The following RNASET2 variants were observed in gnomAD, a reference collection of about 807,000 sequenced individuals.
RNASET2 encodes the protein ribonuclease 6.
Under a neutral mutation model 33.9 loss-of-function variants are expected in RNASET2, and 28 were observed. That is an observed-to-expected ratio of 0.83 (90% CI 0.61 to 1.13). The LOEUF (loss-of-function observed/expected upper bound fraction) is 1.13, where lower values mean the gene tolerates loss of function less well. RNASET2 is among the 50% of genes most tolerant of loss of function. The pLI is 0.00. For synonymous variants in RNASET2, 123 were observed against 121.0 expected (o/e 1.02, Z -0.11); for missense variants, 330 against 319.9 (o/e 1.03, Z -0.24).
chr6:166,947,560 A>G (rs1198798372), intron 3 of RNASET2, among the ~76,000 whole-genome samples: 7 of 152,192 alleles, frequency 4.6e-5, no homozygotes, highest in Admixed American at 4.6e-4. Flanking sequence ...GTACATTCAG[A>G]GCACTTGGTC....
chr6:166,930,842 T>C (rs1778416217), intron 8 of RNASET2, among the ~76,000 whole-genome samples: 1 of 143,458 alleles, frequency 7.0e-6, no homozygotes, highest in South Asian at 2.2e-4. Flanking sequence ...CCCACATGCA[T>C]GTACACACAC....
chr6:166,945,830 CAAAAA>C (rs770959298), intron 4 of RNASET2, among the ~76,000 whole-genome samples: 2 of 72,470 alleles, frequency 2.8e-5, no homozygotes, highest in Admixed American at 1.4e-4. Context: ...AACTCTGTCT[CAAAAA>C]AAAAAAAAAA....
intron 4 of RNASET2, 56 bp from the exon 5 acceptor site, chr6:166,943,145 C>T: frequency 7.6e-7 from 1 of 1,308,302 alleles, no homozygotes; most frequent in South Asian, 1.2e-5. Context: ...AAACTCAAAA[C>T]CTAGAAGGTA....
At chr6:166,952,727 G>A (rs1011600844) in intron 1 of RNASET2, 179 bp from the exon 2 acceptor site, 9 of 621,230 alleles carry the variant, frequency 1.4e-5, no homozygotes, top group Admixed American at 1.4e-4. Context: ...CCTACACTAA[G>A]AAGGCACGTG....
chr6:166,955,769 G>A (rs1779149688), intron 1 of RNASET2: 2 of 1,245,348 alleles, frequency 1.6e-6, no homozygotes, highest in Admixed American at 3.7e-5. Flanking sequence ...CCCAGAGCGT[G>A]CCCAGGGCTC....
At chr6:166,930,637 A>C (rs62648684) in intron 8 of RNASET2, among the ~76,000 whole-genome samples, 18,553 of 150,164 alleles carry the variant, frequency 0.12, 1,525 homozygotes, top group African/African-American at 0.23. Flanking sequence ...ATGCCCACAT[A>C]ATGTACACAC....
intron 7 of RNASET2, chr6:166,931,962 T>C (rs1778455562): frequency 6.5e-6 from 1 of 153,128 alleles, no homozygotes; most frequent in South Asian, 2.1e-4. Context: ...GAGTTTTCAC[T>C]GCCTTCCATT....
chr6:166,923,642 A>G lies in RNASET2; in HGVS notation c.*5946T>C, dbSNP rs1245202284. 6.6e-6 allele frequency among the ~76,000 whole-genome samples: 1 copy of G among 152,226 alleles called. No individual in the cohort carries two copies. The highest frequency in any genetic ancestry group is 1.5e-5 in the Non-Finnish European group (1 of 68,032). On this transcript the variant is annotated 3_prime_UTR_variant, in exon 9 of 9. Coordinates refer to ENST00000508775, the MANE Select transcript of RNASET2 (RefSeq NM_003730.6). ...AAAAAAAATAGAATTCTTATCAGAA[A>G]AAAAATGACATAAAACTGCATTTCT... is the stretch of plus-strand genomic sequence containing the variant.
In RNASET2 at chr6:166,931,298, A is replaced by C. The variant is rs1778433647; in HGVS notation, c.493-180T>G. On this transcript the variant is annotated intron_variant, in intron 7 of 8. Coordinates refer to ENST00000508775, the MANE Select transcript of RNASET2 (RefSeq NM_003730.6). ...CACCAGCGAAGCAGAGGATGCTGTC[A>C]ACCTGGGCTTCATCCCCAGACCACA... is the stretch of plus-strand genomic sequence containing the variant. The C allele has an allele frequency of 3.5e-5, 22 of 630,836 alleles. No homozygotes were observed. In the South Asian group the frequency reaches 4.0e-4, roughly 11 times the overall value. The allele number at this position is 630,836 out of a possible 1,614,324, so 39.1% of individuals were successfully genotyped here. A position where few individuals can be genotyped will look rare whatever the true frequency, so the allele number is the denominator to read the frequency against.
chr6:166,940,164 T>A (rs1778662182), intron 5 of RNASET2, among the ~76,000 whole-genome samples: 1 of 152,238 alleles, frequency 6.6e-6, no homozygotes, highest in African/African-American at 2.4e-5. Context: ...ATGTTTATCA[T>A]CTTTAGCATG....
chr6:166,948,308 T>C (rs1477688297), intron 3 of RNASET2: 1 of 516,068 alleles, frequency 1.9e-6, no homozygotes, highest in Non-Finnish European at 3.5e-6. Context: ...ATCGTGCCAC[T>C]GCACTTCAGC....
intron 5 of RNASET2, among the ~76,000 whole-genome samples, chr6:166,942,567 G>A (rs1193279338): frequency 6.6e-6 from 1 of 152,002 alleles, no homozygotes; most frequent in Non-Finnish European, 1.5e-5. Flanking sequence ...TTGCAACCTT[G>A]ATCTCCCGGG....
At chr6:166,942,428 A>G (rs112226504) in intron 5 of RNASET2, among the ~76,000 whole-genome samples, 3,541 of 152,294 alleles carry the variant, frequency 0.023, 61 homozygotes, top group Non-Finnish European at 0.033. Flanking sequence ...ATATGGACTA[A>G]TTCTTAGATA....
intron 1 of RNASET2, among the ~76,000 whole-genome samples, chr6:166,955,249 GCACACACGCACACACACACA>G (rs1322798448): frequency 4.3e-5 from 4 of 92,910 alleles, no homozygotes; most frequent in Non-Finnish European, 8.2e-5. Context: ...GCACACACAC[GCACACACGCACACACACACA>G]CGCGCACACA....
chr6:166,923,030 T>C lies in RNASET2; in HGVS notation c.*6558A>G, dbSNP rs944250980. Among the ~76,000 whole-genome samples the C allele has an allele frequency of 6.6e-6, 1 of 152,354 alleles. No individual in the cohort carries two copies. The highest frequency in any genetic ancestry group is 1.9e-4 in the East Asian group (1 of 5,192). On this transcript the variant is annotated 3_prime_UTR_variant, in exon 9 of 9. Transcript: ENST00000508775. ...TGCATAAGAATGCACAGGTCTGAAA[T>C]GTGAAAAGCACGTCAGCATAAAGTC...
chr6:166,952,468 G>C lies in RNASET2; in HGVS notation c.147+20C>G, dbSNP rs140149283. ...CAGGGCTCCCCAGGCCCCAGGGCCC[G>C]TCAAGGCAGAAACACTCACCTCGCA... On this transcript the variant is annotated intron_variant, in intron 2 of 8. Transcript: ENST00000508775. 4 of 1,612,016 alleles carry C rather than the reference G, an allele frequency of 2.5e-6. No individual in the cohort carries two copies. The highest frequency in any genetic ancestry group is 3.4e-6 in the Non-Finnish European group (4 of 1,177,978).
chr6:166,955,231 GCACGCACGCA>G (rs1210129544), intron 1 of RNASET2, among the ~76,000 whole-genome samples: 7 of 58,190 alleles, frequency 1.2e-4, no homozygotes, highest in South Asian at 6.6e-4. Context: ...GCGCACACAC[GCACGCACGCA>G]CACACACGCA....
intron 1 of RNASET2, 176 bp from the exon 2 acceptor site, chr6:166,952,724 TAAG>T: frequency 1.6e-6 from 1 of 625,418 alleles, no homozygotes; most frequent in Non-Finnish European, 3.0e-6. Context: ...ACCCCTACAC[TAAG>T]AAGGCACGTG....
chr6:166,931,545 G>A (rs775378349), intron 7 of RNASET2: 8 of 219,606 alleles, frequency 3.6e-5, no homozygotes, highest in Admixed American at 5.2e-5. Flanking sequence ...CCCTCCCCAC[G>A]GTGGACACAT....
Sources: allele counts gnomAD v4.1 joint callset (sites outside exome capture counted in the v4.1 genomes callset), GRCh38; gene constraint gnomAD v4.1.1; transcripts MANE v1.5; gene names NCBI Gene and HGNC (gene_info 2026-07-23, HGNC 2026-07-21).